TMPRSS9: variants seen among roughly 807,000 people sequenced by gnomAD.
The protein encoded by TMPRSS9 is transmembrane protease serine 9.
TMPRSS9 carries 113 observed loss-of-function variants against 111.4 expected under a neutral mutation model. The ratio of observed to expected loss-of-function variants is 1.01; its 90% CI spans 0.87 to 1.19. The LOEUF (loss-of-function observed/expected upper bound fraction) is 1.19, where lower values mean the gene tolerates loss of function less well. Among genes scored for constraint, TMPRSS9 ranks in the 50% most tolerant of loss-of-function variants. TMPRSS9 has a pLI of 0.00. For missense variants in TMPRSS9, 1,803 were observed against 1,513.1 expected, an observed-to-expected ratio of 1.19 and a Z score of -3.18; for synonymous variants, 805 against 659.1, an observed-to-expected ratio of 1.22 and a Z score of -3.39.
At chr19:2,364,093 G>A (rs910313398) in intron 1 of TMPRSS9, among the ~76,000 whole-genome samples, 8 of 152,056 alleles carry the variant, frequency 5.3e-5, no homozygotes, top group Non-Finnish European at 8.8e-5. Context: ...GAGATGGGAG[G>A]ATCGCTTGAG....
chr19:2,416,566 C>T (rs367744569), exon 12 of TMPRSS9: 6 of 1,610,978 alleles, frequency 3.7e-6, no homozygotes, highest in Non-Finnish European at 4.2e-6. Context: ...TCGGGCCCAC[C>T]TGGGCACTGC....
chr19:2,424,752 G>A (rs911693986), intron 15 of TMPRSS9, among the ~76,000 whole-genome samples: 3 of 152,118 alleles, frequency 2.0e-5, no homozygotes, highest in Non-Finnish European at 2.9e-5. Context: ...GGGAGGGCAG[G>A]CGGGGGGCGG....
chr19:2,424,151 G>T lies in TMPRSS9; in HGVS notation c.2611G>T (p.Glu871Ter), dbSNP rs781210191. 3.4e-6 allele frequency: 5 copies of T among 1,453,652 alleles called. 1 individual carries two copies. Among genetic ancestry groups the T allele is most frequent in the Admixed American group, 4.9e-5 (2 of 40,920 alleles). The allele number at this position is 1,453,652 out of a possible 1,614,324, so 90.0% of individuals were successfully genotyped here. The stretch of plus-strand genomic sequence containing the variant: ...GGGCGGCAGCGCAGCGGGCCGTGGG[G>T]AGTGGCCGTGGCAGGTGAGCCTGTG... The change falls in exon 15 of 18, where the codon GAG becomes TAG. Residue 871 changes from glutamate to a stop codon, truncating the protein, a stop_gained. Transcript: ENST00000648592. LOFTEE classifies it high-confidence loss of function.
intron 1 of TMPRSS9, among the ~76,000 whole-genome samples, chr19:2,380,276 C>T (rs1970376094): frequency 2.0e-5 from 3 of 146,870 alleles, no homozygotes; most frequent in African/African-American, 2.6e-5. Flanking sequence ...AGAGTGAAAC[C>T]CTGTCTTAAA....
rs74176394 is a variant in TMPRSS9 at position 2,397,812 on chromosome 19, C to T, written c.271-983C>T. On this transcript the variant is annotated intron_variant, in intron 2 of 17. Transcript: ENST00000648592. The stretch of plus-strand genomic sequence containing the variant: ...GTGTGTGCCTGTAGTCTCAGCTACT[C>T]GGGAGGCTGAGGTGGGAGGATTGCC... Among the ~76,000 whole-genome samples the T allele has an allele frequency of 1.8e-3, 265 of 149,642 alleles. 3 individuals are homozygous for T. Among genetic ancestry groups the T allele is most frequent in the African/African-American group, 6.3e-3 (256 of 40,928 alleles).
At chr19:2,380,653 G>GCAGC (rs1397037834) in intron 1 of TMPRSS9, among the ~76,000 whole-genome samples, 1 of 151,010 alleles carries the variant, frequency 6.6e-6, no homozygotes, top group Non-Finnish European at 1.5e-5. Context: ...AGATGAGAAT[G>GCAGC]CAGCCCAGCT....
intron 1 of TMPRSS9, among the ~76,000 whole-genome samples, chr19:2,383,710 G>A (rs1007956692): frequency 6.7e-6 from 1 of 148,788 alleles, no homozygotes; most frequent in Non-Finnish European, 1.5e-5. Context: ...AGGCTGAGGT[G>A]GGAGGATCGC....
rs1317952148 is a variant in TMPRSS9, at chr19:2,405,232, G to T, written c.671-142G>T. 3 of 1,037,686 alleles carry T rather than the reference G, an allele frequency of 2.9e-6. No homozygotes were observed. In the Admixed American group the frequency reaches 9.5e-5, roughly 33 times the overall value. The allele number at this position is 1,037,686 out of a possible 1,614,324, so 64.3% of individuals were successfully genotyped here. ...GAAGGGATGGGGAGACCCCAGAAGA[G>T]TCAGGGAAGCCAAGGAGGGGCCCCC... On this transcript the variant is annotated intron_variant, in intron 6 of 17. Transcript: ENST00000648592.
chr19:2,407,975 G>T (rs1230054347), intron 7 of TMPRSS9, among the ~76,000 whole-genome samples: 1 of 151,838 alleles, frequency 6.6e-6, no homozygotes, highest in East Asian at 1.9e-4. Context: ...GTAGAGATGG[G>T]GTTTCACCAT....
intron 1 of TMPRSS9, among the ~76,000 whole-genome samples, chr19:2,393,181 A>G (rs1451711386): frequency 5.3e-5 from 8 of 152,144 alleles, no homozygotes; most frequent in East Asian, 1.9e-4. Context: ...TTCACAGTGT[A>G]GAGGATTTGT....
intron 1 of TMPRSS9, among the ~76,000 whole-genome samples, chr19:2,395,172 C>T (rs903851963): frequency 9.2e-5 from 14 of 152,082 alleles, no homozygotes; most frequent in African/African-American, 3.1e-4. Flanking sequence ...AATCTCAGCA[C>T]TTCGGGAGGC....
intron 1 of TMPRSS9, among the ~76,000 whole-genome samples, chr19:2,381,276 T>C (rs938196212): frequency 2.6e-5 from 4 of 151,976 alleles, no homozygotes; most frequent in Admixed American, 6.6e-5. Flanking sequence ...GACAAGACCA[T>C]TTAGAGAACA....
At chr19:2,371,337 T>C (rs1970288976) in intron 1 of TMPRSS9, among the ~76,000 whole-genome samples, 1 of 152,116 alleles carries the variant, frequency 6.6e-6, no homozygotes, top group South Asian at 2.1e-4. Context: ...AGATGGTTCC[T>C]GACAGATGAA....
At chr19:2,364,912 G>A (rs1970236565) in intron 1 of TMPRSS9, among the ~76,000 whole-genome samples, 1 of 151,526 alleles carries the variant, frequency 6.6e-6, no homozygotes, top group African/African-American at 2.4e-5. Context: ...CCGGGAGGCA[G>A]AGCTTGCAGT....
chr19:2,424,196 C>G (rs201604422), exon 15 of TMPRSS9: 1 of 1,457,870 alleles, frequency 6.9e-7, no homozygotes, highest in African/African-American at 1.5e-5. Flanking sequence ...CCGGGAACAC[C>G]GTTGCGGGGC....
intron 11 of TMPRSS9, 169 bp from the exon 13 acceptor site, chr19:2,416,369 G>T: frequency 1.2e-6 from 1 of 850,618 alleles, no homozygotes; most frequent in Non-Finnish European, 1.7e-6. Context: ...GAGGAGCCCA[G>T]CAGCCCCTCT....
At chr19:2,417,367 G>A (rs917396218) in intron 12 of TMPRSS9, among the ~76,000 whole-genome samples, 6 of 151,780 alleles carry the variant, frequency 4.0e-5, no homozygotes, top group African/African-American at 1.5e-4. Flanking sequence ...TCGGGAGGCT[G>A]AGGCAGGAGA....
intron 15 of TMPRSS9, 140 bp downstream of exon 16, chr19:2,424,397 T>G: frequency 1.2e-5 from 10 of 864,626 alleles, no homozygotes; most frequent in Non-Finnish European, 1.5e-5. Flanking sequence ...CCCAGGCCAC[T>G]CCTCCCACCC....
chr19:2,409,015 AATAATAATAATAATAATG>A (rs1433004274), intron 8 of TMPRSS9, among the ~76,000 whole-genome samples: 28 of 141,176 alleles, frequency 2.0e-4, no homozygotes, highest in African/African-American at 2.4e-4. Flanking sequence ...TAATAATAAT[AATAATAATAATAATAATG>A]ATGATGCAGA....
Sources: allele counts gnomAD v4.1 joint callset (sites outside exome capture counted in the v4.1 genomes callset), GRCh38; gene constraint gnomAD v4.1.1; transcripts MANE v1.5; gene names NCBI Gene and HGNC (gene_info 2026-07-23, HGNC 2026-07-21).